Variants in NUP160 observed in about 807,000 individuals in gnomAD.
The protein encoded by NUP160 is nucleoporin 160, also known as nuclear pore complex protein Nup160.
In NUP160, 94 loss-of-function variants were observed where a neutral mutation model predicts 196.9. That is an observed-to-expected ratio of 0.48 (90% confidence interval 0.40 to 0.57). The LOEUF is 0.57. Among genes scored for constraint, NUP160 ranks in the 20% least tolerant of loss-of-function variants. NUP160 has a pLI of 0.00. For missense variants in NUP160, 1,638 were observed against 1,748.3 expected (o/e 0.94, Z 1.13); for synonymous variants, 605 against 619.7 (o/e 0.98, Z 0.35).
chr11:47,785,303 TTA>T (rs2097663945), intron 32 of NUP160, among the ~76,000 whole-genome samples: 1 of 151,928 alleles, frequency 6.6e-6, no homozygotes, highest in Non-Finnish European at 1.5e-5. Flanking sequence ...CTAATTTTGT[TTA>T]TGTTTTGTAG....
At chr11:47,807,539 C>T (rs963909795) in intron 18 of NUP160, among the ~76,000 whole-genome samples, 1 of 151,850 alleles carries the variant, frequency 6.6e-6, no homozygotes, top group African/African-American at 2.4e-5. Context: ...TGATGGCAGG[C>T]GCCTCTAAAC....
intron 2 of NUP160, among the ~76,000 whole-genome samples, chr11:47,847,581 G>A (rs1243130327): frequency 7.0e-6 from 1 of 142,110 alleles, no homozygotes; most frequent in African/African-American, 2.6e-5. Flanking sequence ...TTGGTCTTAT[G>A]GGCTTTATTC....
At chr11:47,804,411 C>T in intron 21 of NUP160, 138 bp downstream of exon 21, 1 of 618,510 alleles carries the variant, frequency 1.6e-6, no homozygotes, top group South Asian at 2.2e-5. Context: ...AGAACAATCT[C>T]TTTGGGGTAT....
intron 9 of NUP160, chr11:47,821,397 G>A (rs1202095283): frequency 1.5e-5 from 2 of 129,926 alleles, no homozygotes; most frequent in Non-Finnish European, 2.8e-5. Context: ...TTACTCTGTT[G>A]CCCAGGCTGG....
At chr11:47,782,046 C>T (rs898540172) in intron 34 of NUP160, among the ~76,000 whole-genome samples, 4 of 151,802 alleles carry the variant, frequency 2.6e-5, no homozygotes, top group Non-Finnish European at 4.4e-5. Context: ...TTTGGGAGGC[C>T]GAGGTGGGTG....
chr11:47,840,876 A>C (rs1852281935), intron 2 of NUP160, among the ~76,000 whole-genome samples: 1 of 152,194 alleles, frequency 6.6e-6, no homozygotes, highest in Admixed American at 6.5e-5. Context: ...ATAAAAATTA[A>C]CACCATACCC....
intron 4 of NUP160, among the ~76,000 whole-genome samples, chr11:47,838,754 C>T (rs1373391470): frequency 6.6e-6 from 1 of 151,676 alleles, no homozygotes; most frequent in East Asian, 1.9e-4. Flanking sequence ...GCCTGTAATC[C>T]CAACACTTTG....
At chr11:47,782,304 ATATATATATAT>A (rs1217259339) in intron 34 of NUP160, among the ~76,000 whole-genome samples, 1,390 of 52,018 alleles carry the variant, frequency 0.027, 148 homozygotes, top group Middle Eastern at 0.036. Flanking sequence ...AAAAAAAAAA[ATATATATATAT>A]ATATATATAT....
chr11:47,831,057 G>C (rs1024113328), intron 7 of NUP160, among the ~76,000 whole-genome samples: 4 of 152,122 alleles, frequency 2.6e-5, no homozygotes, highest in Non-Finnish European at 5.9e-5. Flanking sequence ...CAGCTACTTG[G>C]GGGACTGAGG....
At position 47,827,233 on chromosome 11, in the gene NUP160, A is replaced by G. The variant is rs926035223; in HGVS notation, c.1102-5069T>C. On this transcript the variant is annotated intron_variant, in intron 7 of 35. Transcript: ENST00000378460. Reference sequence around the variant, plus strand: ...AAAAAAATTAGCCATGTGTGGTCGCACACACCTGTGGTCCCAGCTACCTGG... The same window carrying G: ...AAAAAAATTAGCCATGTGTGGTCGCGCACACCTGTGGTCCCAGCTACCTGG... 61 of 439,908 alleles carry G rather than the reference A, an allele frequency of 1.4e-4. 1 individual carries two copies. Among genetic ancestry groups the G allele is most frequent in the African/African-American group, 1.0e-3 (52 of 49,850 alleles). The allele number at this position is 439,908 out of a possible 1,614,324, so 27.3% of individuals were successfully genotyped here.
At chr11:47,785,006 C>A in exon 33 of NUP160, 1 of 1,603,576 alleles carries the variant, frequency 6.2e-7, no homozygotes, top group Non-Finnish European at 8.5e-7. Flanking sequence ...ACAAGTTATT[C>A]TGGACTTTGT....
chr11:47,816,801 A>G (rs944243201), intron 11 of NUP160, among the ~76,000 whole-genome samples: 1 of 149,092 alleles, frequency 6.7e-6, no homozygotes, highest in African/African-American at 2.5e-5. Context: ...AAAAAAGTCT[A>G]TGTAACTTTT....
At chr11:47,825,454 C>CCT (rs1555005321) in intron 7 of NUP160, among the ~76,000 whole-genome samples, 2 of 122,836 alleles carry the variant, frequency 1.6e-5, no homozygotes, top group African/African-American at 6.2e-5. Context: ...TAATTTTTGC[C>CCT]TTTTTTTTTT....
At chr11:47,813,567 C>T (rs1203377720) in intron 13 of NUP160, 152 bp from the exon 14 acceptor site, 5 of 585,982 alleles carry the variant, frequency 8.5e-6, no homozygotes, top group African/African-American at 5.6e-5. Flanking sequence ...CAGTGGCTCA[C>T]ATCTGTGATC....
chr11:47,810,177 TAAAC>T (rs1369457122), intron 17 of NUP160, among the ~76,000 whole-genome samples: 1 of 152,208 alleles, frequency 6.6e-6, no homozygotes, highest in African/African-American at 2.4e-5. Context: ...TTGGTGATCT[TAAAC>T]AAATTATCTT....
At chr11:47,788,208 C>T (rs749346047) in exon 31 of NUP160, 12 of 1,613,544 alleles carry the variant, frequency 7.4e-6, no homozygotes, top group African/African-American at 4.0e-5. Context: ...CAAAGACTGG[C>T]GTTAAGGGAA....
chr11:47,812,410 T>G (rs1362543170), exon 16 of NUP160: 1 of 1,613,476 alleles, frequency 6.2e-7, no homozygotes, highest in Non-Finnish European at 8.5e-7. Context: ...TTACTACAAA[T>G]ATCCTCCATC....
intron 2 of NUP160, among the ~76,000 whole-genome samples, chr11:47,843,132 A>G (rs1430081883): frequency 6.6e-6 from 1 of 152,160 alleles, no homozygotes; most frequent in African/African-American, 2.4e-5. Flanking sequence ...ATATATTATT[A>G]TATTTTCTCT....
intron 6 of NUP160, 80 bp downstream of exon 6, chr11:47,836,807 G>T: frequency 1.2e-6 from 1 of 852,830 alleles, no homozygotes; most frequent in Non-Finnish European, 1.9e-6. Context: ...ATAATCTTTA[G>T]AGAAACAGCA....
Sources: allele counts gnomAD v4.1 joint callset (sites outside exome capture counted in the v4.1 genomes callset), GRCh38; gene constraint gnomAD v4.1.1; transcripts MANE v1.5; gene names NCBI Gene and HGNC (gene_info 2026-07-23, HGNC 2026-07-21).